TMC7: variants seen among roughly 807,000 people sequenced by gnomAD.
TMC7 encodes transmembrane channel like 7.
TMC7 carries 54 observed loss-of-function variants against 82.9 expected under a neutral mutation model. That is an observed-to-expected ratio of 0.65 (90% CI 0.52 to 0.82). The LOEUF (loss-of-function observed/expected upper bound fraction) is 0.82, where lower values mean the gene tolerates loss of function less well. Ranked by LOEUF, TMC7 falls within the 40% of genes least tolerant of loss-of-function variation. The pLI is 0.00. For synonymous variants in TMC7, 350 were observed against 337.9 expected (o/e 1.04, Z -0.39); for missense variants, 820 against 901.2 (o/e 0.91, Z 1.15).
intron 12 of TMC7, among the ~76,000 whole-genome samples, chr16:19,049,164 C>T (rs1047082707): frequency 2.6e-5 from 4 of 152,118 alleles, no homozygotes; most frequent in African/African-American, 7.2e-5. Flanking sequence ...GCTGGGATTA[C>T]AGGCATGCGC....
At chr16:19,045,465 C>T (rs1429093371) in intron 11 of TMC7, 27 bp downstream of exon 11, 1 of 1,469,264 alleles carries the variant, frequency 6.8e-7, no homozygotes, top group Non-Finnish European at 9.5e-7. Context: ...CCCATATTAT[C>T]CCCCCCACCA....
chr16:19,005,737 G>A (rs1279841063), intron 1 of TMC7, among the ~76,000 whole-genome samples: 1 of 152,120 alleles, frequency 6.6e-6, no homozygotes, highest in Non-Finnish European at 1.5e-5. Flanking sequence ...CTTGCAGGAG[G>A]GTAGCCTCCA....
At chr16:19,002,195 CTCATTCAT>C (rs994255961) in intron 1 of TMC7, among the ~76,000 whole-genome samples, 4 of 150,752 alleles carry the variant, frequency 2.7e-5, no homozygotes, top group Admixed American at 2.6e-4. Flanking sequence ...TCTGCCACTG[CTCATTCAT>C]TCATTCATTC....
intron 5 of TMC7, 149 bp from the exon 6 acceptor site, chr16:19,030,075 C>T: frequency 1.3e-6 from 1 of 746,862 alleles, no homozygotes; most frequent in East Asian, 2.7e-5. Flanking sequence ...ACACTGAATA[C>T]TCCCTGTGCC....
intron 1 of TMC7, among the ~76,000 whole-genome samples, chr16:18,992,444 G>T (rs1316887805): frequency 1.3e-5 from 2 of 152,198 alleles, no homozygotes; most frequent in East Asian, 3.9e-4. Flanking sequence ...TGATGGGGTT[G>T]TTTGTTTTTT....
intron 1 of TMC7, among the ~76,000 whole-genome samples, chr16:18,998,647 G>C (rs1055871260): frequency 6.6e-6 from 1 of 152,054 alleles, no homozygotes; most frequent in Non-Finnish European, 1.5e-5. Context: ...CCAGCCACTT[G>C]GGAGGCTGAG....
intron 1 of TMC7, among the ~76,000 whole-genome samples, chr16:18,999,103 A>G (rs1040634610): frequency 6.6e-6 from 1 of 152,160 alleles, no homozygotes; most frequent in Admixed American, 6.5e-5. Flanking sequence ...CATTGCTTCC[A>G]TCACAGCTCA....
At chr16:19,014,927 T>G (rs955468438) in intron 2 of TMC7, among the ~76,000 whole-genome samples, 1 of 152,178 alleles carries the variant, frequency 6.6e-6, no homozygotes, top group African/African-American at 2.4e-5. Context: ...AATATTATTT[T>G]TCTTTTGGCT....
Position 19,047,075 on chromosome 16 carries a change from C to T in TMC7, c.1566C>T (p.Thr522=), listed in dbSNP as rs1223396522. 9 of 1,609,980 alleles carry T rather than the reference C, an allele frequency of 5.6e-6. No homozygotes were observed. The highest frequency in any genetic ancestry group is 1.7e-5 in the Admixed American group (1 of 59,084). The change falls in exon 12 of 16, where the codon ACC becomes ACT. Residue 522 remains threonine (T), a synonymous_variant. Transcript: ENST00000304381. The part of the protein sequence containing the change: ...FVDFPRKLLV[T]YCSSCKLIQC... ...TGTCTGTTTCCAGGCTCCTGGTGAC[C>T]TACTGTTCCTCTTGCAAGCTGATTC...
At chr16:19,014,475 T>G (rs1959573443) in intron 2 of TMC7, among the ~76,000 whole-genome samples, 1 of 152,190 alleles carries the variant, frequency 6.6e-6, no homozygotes, top group South Asian at 2.1e-4. Context: ...TTCAAGTCCT[T>G]TTCTTTAATA....
At chr16:19,017,084 C>G (rs1474727014) in intron 3 of TMC7, among the ~76,000 whole-genome samples, 2 of 152,034 alleles carry the variant, frequency 1.3e-5, no homozygotes, top group Non-Finnish European at 2.9e-5. Flanking sequence ...ATTTGGGAGG[C>G]TGAGGCATGA....
chr16:19,029,774 G>A (rs1960421734), intron 5 of TMC7, among the ~76,000 whole-genome samples: 1 of 151,286 alleles, frequency 6.6e-6, no homozygotes, highest in South Asian at 2.1e-4. Flanking sequence ...TCTGCCTCCC[G>A]GGTTCAAGTG....
intron 1 of TMC7, among the ~76,000 whole-genome samples, chr16:18,986,737 G>T (rs988221427): frequency 6.6e-6 from 1 of 151,798 alleles, no homozygotes; most frequent in African/African-American, 2.4e-5. Context: ...TATTCCTCCA[G>T]CATACCAAGA....
chr16:19,016,677 G>A (rs1365714665), intron 3 of TMC7, 79 bp downstream of exon 3: 19 of 1,442,680 alleles, frequency 1.3e-5, no homozygotes, highest in Middle Eastern at 2.5e-4. Flanking sequence ...GTTTCCACTA[G>A]GGTCTAGCTG....
chr16:19,055,593 T>C (rs887899846), intron 13 of TMC7, among the ~76,000 whole-genome samples: 2 of 152,046 alleles, frequency 1.3e-5, no homozygotes, highest in Admixed American at 6.5e-5. Context: ...CCTGACCTCA[T>C]GTGATACACC....
chr16:19,040,570 A>G (rs542604688), intron 9 of TMC7, 124 bp downstream of exon 9: 3 of 826,666 alleles, frequency 3.6e-6, no homozygotes, highest in Admixed American at 2.5e-5. Context: ...AGTCCTCCTC[A>G]ACCTTCAGAC....
intron 12 of TMC7, among the ~76,000 whole-genome samples, chr16:19,048,652 C>T (rs914227289): frequency 6.6e-6 from 1 of 152,102 alleles, no homozygotes; most frequent in Non-Finnish European, 1.5e-5. Flanking sequence ...AACTCCCGAC[C>T]TCAGGTGATC....
At chr16:19,053,342 T>A (rs1417950023) in intron 13 of TMC7, among the ~76,000 whole-genome samples, 1 of 151,976 alleles carries the variant, frequency 6.6e-6, no homozygotes, top group Non-Finnish European at 1.5e-5. Context: ...TAGTTTTATA[T>A]TGTATCCTTT....
At chr16:18,994,540 G>A (rs1295332355) in intron 1 of TMC7, among the ~76,000 whole-genome samples, 1 of 152,100 alleles carries the variant, frequency 6.6e-6, no homozygotes, top group African/African-American at 2.4e-5. Flanking sequence ...GAGAGCTAGT[G>A]TGGGAACAGC....
Sources: allele counts gnomAD v4.1 joint callset (sites outside exome capture counted in the v4.1 genomes callset), GRCh38; gene constraint gnomAD v4.1.1; transcripts MANE v1.5; gene names NCBI Gene and HGNC (gene_info 2026-07-23, HGNC 2026-07-21).